Variants in UBAC2 observed in about 807,000 individuals in gnomAD.
The protein encoded by UBAC2 is UBA domain containing 2.
Under a neutral mutation model 44.0 loss-of-function variants are expected in UBAC2, and 26 were observed. That is an observed-to-expected ratio of 0.59 (90% CI 0.43 to 0.82). The LOEUF (loss-of-function observed/expected upper bound fraction) is 0.82. Ranked by LOEUF, UBAC2 falls within the 40% of genes least tolerant of loss-of-function variation. The probability of loss-of-function intolerance (pLI) is 0.00; values close to 1 mark genes in which losing one functional copy is unlikely to be tolerated. For synonymous variants in UBAC2, 155 were observed against 154.3 expected (o/e 1.00, Z -0.04); for missense variants, 329 against 419.4 (o/e 0.78, Z 1.88).
At chr13:99,376,618 A>G (rs2045483310) in intron 8 of UBAC2, among the ~76,000 whole-genome samples, 1 of 152,226 alleles carries the variant, frequency 6.6e-6, no homozygotes, top group African/African-American at 2.4e-5. Context: ...CATTTGGGGA[A>G]TGTTAGTGTC....
intron 6 of UBAC2, among the ~76,000 whole-genome samples, chr13:99,329,281 G>A (rs992054896): frequency 6.6e-6 from 1 of 152,100 alleles, no homozygotes; most frequent in African/African-American, 2.4e-5. Flanking sequence ...TTAGGACACT[G>A]ACTTTTAATA....
At position 99,295,924 on chromosome 13, in the gene UBAC2, C is replaced by A. The variant is rs2230342; in HGVS notation, c.390-18173C>A. 0.34 allele frequency: 541,162 copies of A among 1,613,468 alleles called. 93,352 individuals are homozygous for A. The highest frequency in any genetic ancestry group is 0.43 in the Middle Eastern group (2,595 of 6,058). The stretch of plus-strand genomic sequence containing the variant: ...CGGTGGTAAAAAGTATATCAGAAAT[C>A]ACCAAATTTGTTGAATAGAGGGTGG... On this transcript the variant is annotated intron_variant, in intron 4 of 8. Transcript: ENST00000403766. This position sits in a 1 kb window ranked among gnomAD's most constrained non-coding sequence, Gnocchi z 4.1.
chr13:99,340,117 T>G (rs986279608), intron 6 of UBAC2, among the ~76,000 whole-genome samples: 1 of 152,190 alleles, frequency 6.6e-6, no homozygotes, highest in African/African-American at 2.4e-5. Flanking sequence ...AAAAAACAAT[T>G]TTGTTTTACT....
At chr13:99,363,855 A>G (rs2045296980) in intron 7 of UBAC2, among the ~76,000 whole-genome samples, 1 of 152,246 alleles carries the variant, frequency 6.6e-6, no homozygotes, top group Non-Finnish European at 1.5e-5. Flanking sequence ...ACCAGGCTCA[A>G]TTCAGGAACA....
chr13:99,211,526 A>G (rs1479735832), intron 1 of UBAC2, among the ~76,000 whole-genome samples: 2 of 152,242 alleles, frequency 1.3e-5, no homozygotes, highest in Non-Finnish European at 2.9e-5. Context: ...ATGATAAAAT[A>G]CTACGTGTTA....
intron 4 of UBAC2, among the ~76,000 whole-genome samples, chr13:99,252,058 CA>C (rs1293104735): frequency 2.0e-5 from 3 of 152,318 alleles, no homozygotes; most frequent in African/African-American, 7.2e-5. Flanking sequence ...CTACCATGCC[CA>C]ACTCTTCTTT....
intron 4 of UBAC2, among the ~76,000 whole-genome samples, chr13:99,300,229 C>T (rs922380501): frequency 3.3e-5 from 5 of 152,300 alleles, no homozygotes; most frequent in Admixed American, 6.5e-5. Flanking sequence ...CCTTAACTGA[C>T]GACCGTTGTG....
intron 6 of UBAC2, among the ~76,000 whole-genome samples, chr13:99,334,011 A>G (rs1166685018): frequency 6.6e-6 from 1 of 152,222 alleles, no homozygotes; most frequent in East Asian, 1.9e-4. Context: ...GCATTGGTGC[A>G]ATCATAGCTC....
chr13:99,259,004 G>A (rs891197669), intron 4 of UBAC2, among the ~76,000 whole-genome samples: 2 of 152,162 alleles, frequency 1.3e-5, no homozygotes, highest in Non-Finnish European at 2.9e-5. Flanking sequence ...TTTCTAGTGC[G>A]TGGAAGTCTA....
intron 4 of UBAC2, among the ~76,000 whole-genome samples, chr13:99,267,982 C>T (rs2043765109): frequency 6.6e-6 from 1 of 152,160 alleles, no homozygotes; most frequent in Non-Finnish European, 1.5e-5. Flanking sequence ...CTGCTTTCCT[C>T]AACATGTGCC....
At chr13:99,351,758 A>G in intron 7 of UBAC2, 2 of 456,724 alleles carry the variant, frequency 4.4e-6, no homozygotes, top group Non-Finnish European at 8.8e-6. Context: ...GCTTGTTGGT[A>G]CAAGCCAAGT....
At chr13:99,225,414 T>C (rs1566455107) in intron 1 of UBAC2, among the ~76,000 whole-genome samples, 1 of 152,232 alleles carries the variant, frequency 6.6e-6, no homozygotes, top group Non-Finnish European at 1.5e-5. Context: ...AATATTTATC[T>C]TTTTGTGACC....
chr13:99,265,908 G>C (rs1048214626), intron 4 of UBAC2, among the ~76,000 whole-genome samples: 4 of 152,224 alleles, frequency 2.6e-5, no homozygotes, highest in African/African-American at 9.6e-5. Flanking sequence ...TTTCGTATCA[G>C]AGAAGTTAGT....
At chr13:99,311,442 TG>T (rs1197268242) in intron 4 of UBAC2, among the ~76,000 whole-genome samples, 2 of 152,230 alleles carry the variant, frequency 1.3e-5, no homozygotes. Flanking sequence ...GGAAGATTTA[TG>T]CCCAGGAGTG....
At chr13:99,299,662 A>C (rs1296135783) in intron 4 of UBAC2, among the ~76,000 whole-genome samples, 1 of 152,090 alleles carries the variant, frequency 6.6e-6, no homozygotes, top group Non-Finnish European at 1.5e-5. Flanking sequence ...TTCTTGTAAA[A>C]ACCTTGTTAT....
At chr13:99,329,461 C>T (rs1440144102) in intron 6 of UBAC2, among the ~76,000 whole-genome samples, 1 of 152,118 alleles carries the variant, frequency 6.6e-6, no homozygotes, top group Non-Finnish European at 1.5e-5. Flanking sequence ...CTTATTTTTC[C>T]TCTGCTAGCA....
At chr13:99,322,464 G>A (rs1796317436) in intron 6 of UBAC2, among the ~76,000 whole-genome samples, 1 of 152,112 alleles carries the variant, frequency 6.6e-6, no homozygotes, top group East Asian at 1.9e-4. Flanking sequence ...AAAATAGAAA[G>A]AGCCTTCTTT....
chr13:99,377,483 G>A (rs574370335), intron 8 of UBAC2: 1 of 152,158 alleles, frequency 6.6e-6, no homozygotes, highest in South Asian at 2.1e-4. Context: ...AGAAAATGAA[G>A]TAGTCCAGGG....
chr13:99,257,960 T>C (rs944853309), intron 4 of UBAC2, among the ~76,000 whole-genome samples: 5 of 152,246 alleles, frequency 3.3e-5, no homozygotes, highest in African/African-American at 1.2e-4. Context: ...ATATATTTTT[T>C]TAATAGAGAC....
Sources: gnomAD v4.1 joint callset for allele counts (sites outside exome capture counted in the v4.1 genomes callset) on GRCh38, gnomAD v4.1.1 for gene constraint, Gnocchi (gnomAD v3.1) non-coding constraint, MANE v1.5 for transcripts, NCBI Gene and HGNC (gene_info 2026-07-23, HGNC 2026-07-21) for gene names.